LRBA: variants seen among roughly 807,000 people sequenced by gnomAD.
LRBA encodes the protein lipopolysaccharide-responsive and beige-like anchor protein.
Under a neutral mutation model 330.0 loss-of-function variants are expected in LRBA, and 176 were observed. The ratio of observed to expected loss-of-function variants is 0.53; its 90% CI spans 0.47 to 0.60. LRBA has a LOEUF of 0.60. Ranked by LOEUF, LRBA falls within the 20% of genes least tolerant of loss-of-function variation. The probability of loss-of-function intolerance (pLI) is 0.00; values close to 1 mark genes in which losing one functional copy is unlikely to be tolerated. For missense variants in LRBA, 3,259 were observed against 3,444.8 expected, an observed-to-expected ratio of 0.95 and a Z score of 1.35; for synonymous variants, 1,230 against 1,193.0, an observed-to-expected ratio of 1.03 and a Z score of -0.64.
chr4:150,390,494 A>G (rs1037414790), intron 47 of LRBA, among the ~76,000 whole-genome samples: 1 of 152,108 alleles, frequency 6.6e-6, no homozygotes, highest in African/African-American at 2.4e-5. Context: ...ACTGTGAATA[A>G]AGTTTTCTCA....
At chr4:150,483,637 T>C (rs1757547473) in intron 42 of LRBA, among the ~76,000 whole-genome samples, 1 of 151,982 alleles carries the variant, frequency 6.6e-6, no homozygotes, top group Non-Finnish European at 1.5e-5. Context: ...CCTGGCCATC[T>C]TGCCAATTTC....
At chr4:150,908,292 T>C (rs1020736740) in intron 11 of LRBA, 42 bp downstream of exon 11, 2 of 1,586,440 alleles carry the variant, frequency 1.3e-6, no homozygotes, top group Non-Finnish European at 8.5e-7. Flanking sequence ...GTGATGAAAT[T>C]AACCCTCACA....
At chr4:150,710,668 T>C (rs1786097244) in intron 36 of LRBA, among the ~76,000 whole-genome samples, 1 of 152,136 alleles carries the variant, frequency 6.6e-6, no homozygotes, top group African/African-American at 2.4e-5. Context: ...CTATTTTTCT[T>C]CTTTTTCAGA....
At chr4:150,964,474 A>G (rs142707206) in intron 2 of LRBA, among the ~76,000 whole-genome samples, 2,881 of 149,766 alleles carry the variant, frequency 0.019, 368 homozygotes, top group African/African-American at 0.069. Context: ...TTCATTCTGT[A>G]CTAGGAAAAA....
chr4:150,864,914 G>A lies in LRBA; in HGVS notation c.2766+2757C>T, dbSNP rs561201150. Among the ~76,000 whole-genome samples, 7 of 152,156 alleles carry A rather than the reference G, an allele frequency of 4.6e-5. No individual in the cohort carries two copies. The South Asian group carries it at 6.2e-4, about 14-fold the overall frequency. On this transcript the variant is annotated intron_variant, in intron 22 of 56. Transcript: ENST00000651943. ...CAGCCGCCTCAGCCTGTGATTACAT[G>A]CATGTGCCATCGTGCCTGGCCTCCC...
chr4:150,432,796 A>G (rs1750611700), intron 46 of LRBA, among the ~76,000 whole-genome samples: 1 of 152,136 alleles, frequency 6.6e-6, no homozygotes, highest in African/African-American at 2.4e-5. Flanking sequence ...TTAAAAATAA[A>G]CAGGATCAAA....
At chr4:150,980,537 G>A (rs146432483) in intron 2 of LRBA, among the ~76,000 whole-genome samples, 1 of 152,296 alleles carries the variant, frequency 6.6e-6, no homozygotes, top group East Asian at 1.9e-4. Flanking sequence ...CAGCTGCCCA[G>A]GGGAGAGGGG....
At chr4:150,499,578 G>A (rs1759996391) in intron 40 of LRBA, among the ~76,000 whole-genome samples, 2 of 152,052 alleles carry the variant, frequency 1.3e-5, no homozygotes, top group African/African-American at 4.8e-5. Context: ...AATTGTTTGA[G>A]GCTGCAGTGA....
chr4:150,839,461 A>G (rs1254316339), intron 28 of LRBA, among the ~76,000 whole-genome samples: 1 of 152,222 alleles, frequency 6.6e-6, no homozygotes, highest in Non-Finnish European at 1.5e-5. Context: ...AGGACTATTC[A>G]CAATAGCAAA....
intron 37 of LRBA, among the ~76,000 whole-genome samples, chr4:150,624,433 C>T (rs1379183679): frequency 6.6e-6 from 1 of 151,968 alleles, no homozygotes; most frequent in Non-Finnish European, 1.5e-5. Flanking sequence ...TTCACTCATA[C>T]AAGGGCTTAT....
At chr4:150,966,304 G>C (rs898121153) in intron 2 of LRBA, among the ~76,000 whole-genome samples, 3 of 151,112 alleles carry the variant, frequency 2.0e-5, no homozygotes, top group African/African-American at 4.9e-5. Flanking sequence ...TGTATTGCTA[G>C]TTCATTCTTT....
chr4:150,834,103 C>T (rs751576115), intron 28 of LRBA, among the ~76,000 whole-genome samples: 4 of 152,198 alleles, frequency 2.6e-5, no homozygotes, highest in African/African-American at 4.8e-5. Context: ...ATTTCCACCA[C>T]ATCAGCAGTG....
chr4:150,440,033 TCTTA>T (rs1751617281), intron 44 of LRBA, among the ~76,000 whole-genome samples: 1 of 152,210 alleles, frequency 6.6e-6, no homozygotes, highest in Admixed American at 6.5e-5. Context: ...TGACGGATCC[TCTTA>T]CTTATATAGT....
intron 35 of LRBA, among the ~76,000 whole-genome samples, chr4:150,752,607 G>C (rs2126401119): frequency 6.6e-6 from 1 of 151,926 alleles, no homozygotes; most frequent in East Asian, 1.9e-4. Context: ...GAGACCACAA[G>C]GTATCCATAT....
chr4:150,525,704 T>C (rs1012177857), intron 40 of LRBA, among the ~76,000 whole-genome samples: 1 of 152,172 alleles, frequency 6.6e-6, no homozygotes, highest in Non-Finnish European at 1.5e-5. Flanking sequence ...ACACCAATTA[T>C]GCAACACATA....
chr4:150,537,236 C>A (rs952306349), intron 40 of LRBA, among the ~76,000 whole-genome samples: 1 of 152,162 alleles, frequency 6.6e-6, no homozygotes, highest in East Asian at 1.9e-4. Context: ...AAAGGACTGC[C>A]TATTTAATAA....
chr4:150,546,319 A>C lies in LRBA; in HGVS notation c.6330+41729T>G, dbSNP rs567145020. Among the ~76,000 whole-genome samples, 6 of 152,318 alleles carry C rather than the reference A, an allele frequency of 3.9e-5. No homozygotes were observed. The East Asian group carries it at 1.2e-3, about 29-fold the overall frequency. On this transcript the variant is annotated intron_variant, in intron 40 of 56. Transcript: ENST00000651943. ...AAACCACTATTCAAACCTTTTCTTA[A>C]TGCTGTTATCAGTTTTCCTTTTGCA...
At chr4:150,901,852 T>C (rs749823164) in intron 13 of LRBA, among the ~76,000 whole-genome samples, 1 of 152,222 alleles carries the variant, frequency 6.6e-6, no homozygotes, top group Admixed American at 6.5e-5. Flanking sequence ...TTCAAATTGA[T>C]AGGCCCAATC....
In LRBA at chr4:150,818,527, AATGTCT is replaced by A. The variant is rs1578881065; in HGVS notation, c.5172-1276_5172-1271del. Among the ~76,000 whole-genome samples the A allele has an allele frequency of 1.2e-4, 12 of 101,804 alleles. No homozygotes were observed. In the East Asian group the frequency reaches 3.3e-3, roughly 28 times the overall value. 66.8% of individuals were successfully genotyped at this position (101,804 alleles called of 152,430 possible). ...GACTTAAGGGGGAGTAGATATGACG[AATGTCT>A]GTGTGTGTGTGTGTGTGTGTGTGTG... On this transcript the variant is annotated intron_variant, in intron 30 of 56. Transcript: ENST00000651943.
Sources: gnomAD v4.1 joint callset for allele counts (sites outside exome capture counted in the v4.1 genomes callset) on GRCh38, gnomAD v4.1.1 for gene constraint, MANE v1.5 for transcripts, NCBI Gene and HGNC (gene_info 2026-07-23, HGNC 2026-07-21) for gene names.